The following KCTD13 variants were observed in gnomAD, a reference collection of about 807,000 sequenced individuals.
KCTD13 encodes BTB/POZ domain-containing adapter for CUL3-mediated RhoA degradation protein 1.
In KCTD13, 15 loss-of-function variants were observed where a neutral mutation model predicts 32.3. That is an observed-to-expected ratio of 0.46 (90% CI 0.31 to 0.71). The LOEUF is 0.71. KCTD13 is among the 30% of genes least tolerant of loss of function. KCTD13 has a pLI of 0.05. For synonymous variants in KCTD13, 189 were observed against 200.1 expected (o/e 0.94, Z 0.47); for missense variants, 337 against 452.6 (o/e 0.74, Z 2.32).
In KCTD13 at chr16:29,912,023, C is replaced by T. The variant is rs1216506240; in HGVS notation, c.441G>A (p.Leu147=). ...GAGATGTCACCATGGGGATGAGGCA[C>T]AGCGGGGACAGCGTCTCCCTTTTTT... is the stretch of plus-strand genomic sequence containing the variant. ...LQQKRETLSP[L]CLIPMVTSPR... is the part of the protein sequence containing the mutation. The change falls in exon 3 of 6, where the codon CTG becomes CTA. Residue 147 remains leucine, a synonymous_variant. Transcript: ENST00000568000. 6.2e-7 allele frequency: 1 copy of T among 1,609,606 alleles called. No homozygotes were observed. The highest frequency in any genetic ancestry group is 8.5e-7 in the Non-Finnish European group (1 of 1,178,046).
At chr16:29,914,975 C>CAA (rs538063744) in intron 2 of KCTD13, 7 of 128,840 alleles carry the variant, frequency 5.4e-5, no homozygotes, top group African/African-American at 8.7e-5. Context: ...GACTCTGTCT[C>CAA]AAAAAAAAAA....
chr16:29,919,031 T>C (rs894511814), intron 2 of KCTD13, among the ~76,000 whole-genome samples: 4 of 152,308 alleles, frequency 2.6e-5, no homozygotes, highest in African/African-American at 9.6e-5. Context: ...TGACCTCAAG[T>C]GATCCACCTG....
intron 2 of KCTD13, 72 bp downstream of exon 2, chr16:29,923,117 CT>C (rs2068939966): frequency 6.5e-7 from 1 of 1,538,870 alleles, no homozygotes; most frequent in Non-Finnish European, 8.8e-7. Flanking sequence ...CCCATATCTC[CT>C]TTTTTCTGCT....
intron 2 of KCTD13, chr16:29,921,506 C>G (rs1408327278): frequency 6.6e-6 from 1 of 152,072 alleles, no homozygotes. Context: ...CCAGCTCTTT[C>G]ACCTTGGACA....
intron 1 of KCTD13, chr16:29,925,440 A>C: frequency 2.9e-6 from 1 of 347,440 alleles, no homozygotes; most frequent in Non-Finnish European, 5.5e-6. Context: ...CAGGAGTAGT[A>C]CTGCAGGCAG....
chr16:29,919,526 T>C (rs1267644083), intron 2 of KCTD13: 1 of 152,166 alleles, frequency 6.6e-6, no homozygotes, highest in Non-Finnish European at 1.5e-5. Flanking sequence ...ATTGTTAACT[T>C]GCAGATAACC....
chr16:29,916,621 T>G (rs972179367), intron 2 of KCTD13, among the ~76,000 whole-genome samples: 5 of 151,850 alleles, frequency 3.3e-5, no homozygotes, highest in African/African-American at 1.2e-4. Context: ...CTCAGCATTT[T>G]GGGAGGCCAA....
In KCTD13 at chr16:29,923,367, G is replaced by C. The variant is rs765344507; in HGVS notation, c.245-8C>G. On this transcript the variant is annotated splice_polypyrimidine_tract_variant and splice_region_variant and intron_variant, in intron 1 of 5. Coordinates refer to ENST00000568000, the MANE Select transcript of KCTD13 (RefSeq NM_178863.5). Reference sequence around the variant, plus strand: ...GGTCAATCAGCACCCAACCTAGTGGGGTGGGGAGAGGCAGGGGGAAAGATG... The same window carrying C: ...GGTCAATCAGCACCCAACCTAGTGGCGTGGGGAGAGGCAGGGGGAAAGATG... 6.2e-7 allele frequency: 1 copy of C among 1,611,364 alleles called. No homozygotes were observed. The highest frequency in any genetic ancestry group is 1.7e-4 in the Middle Eastern group (1 of 6,050).
At chr16:29,910,412 T>C (rs144109795) in intron 5 of KCTD13, among the ~76,000 whole-genome samples, 1 of 151,510 alleles carries the variant, frequency 6.6e-6, no homozygotes, top group East Asian at 1.9e-4. Flanking sequence ...ATAATAATAA[T>C]AATAATAAAT....
At position 29,911,171 on chromosome 16, in the gene KCTD13, G is replaced by A; in HGVS notation, c.560C>T (p.Thr187Ile). The A allele has an allele frequency of 1.9e-6, 3 of 1,613,822 alleles. No individual in the cohort carries two copies. The highest frequency in any genetic ancestry group is 1.7e-4 in the Middle Eastern group (1 of 6,060). ...RSNNKYSYTS[T>I]SDDNLLKNIE... ...GTTCTTAAGTAGGTTGTCATCTGAA[G>A]TGCTGGGGACCAGGGGACCAGGAGG... The change falls in exon 5 of 6, where the codon ACT becomes ATT. Residue 187 changes from threonine (T) to isoleucine (I), a missense_variant and splice_region_variant. Transcript: ENST00000568000.
Position 29,913,986 on chromosome 16 carries a change from C to G in KCTD13, c.415-1937G>C, listed in dbSNP as rs149273699. The G allele has an allele frequency of 1.4e-3, 211 of 152,292 alleles. 1 individual carries two copies. The highest frequency in any genetic ancestry group is 2.5e-3 in the Non-Finnish European group (173 of 68,078). The allele number at this position is 152,292 out of a possible 1,614,324, so 9.4% of individuals were successfully genotyped here. On this transcript the variant is annotated intron_variant, in intron 2 of 5. Coordinates refer to ENST00000568000, the MANE Select transcript of KCTD13 (RefSeq NM_178863.5). ...CTGGGATTACCGAGGTGTGCCATCA[C>G]GCCCAGCTAATTTTTGTATTTTTAG... is the stretch of plus-strand genomic sequence containing the variant.
At chr16:29,918,084 G>A (rs1055895363) in intron 2 of KCTD13, among the ~76,000 whole-genome samples, 1 of 152,200 alleles carries the variant, frequency 6.6e-6, no homozygotes, top group Admixed American at 6.5e-5. Flanking sequence ...AATTTTTCAA[G>A]TTGACAATGG....
At position 29,911,795 on chromosome 16, in the gene KCTD13, C is replaced by T. The variant is rs1399439560; in HGVS notation, c.557+20G>A. 3.1e-6 allele frequency: 5 copies of T among 1,611,670 alleles called. No individual in the cohort carries two copies. Among genetic ancestry groups the T allele is most frequent in the Admixed American group, 1.7e-5 (1 of 59,896 alleles). On this transcript the variant is annotated intron_variant, in intron 4 of 5. Coordinates refer to ENST00000568000, the MANE Select transcript of KCTD13 (RefSeq NM_178863.5). ...CTGCATCCCAGGGTCCCGCCCAGTG[C>T]CCCGCACCCCGGCGGTCACCTGGTG...
At chr16:29,923,081 C>A in intron 2 of KCTD13, 109 bp downstream of exon 2, 1 of 1,266,264 alleles carries the variant, frequency 7.9e-7, no homozygotes, top group South Asian at 1.5e-5. Context: ...TTATGGCCAG[C>A]CAAAGCCAGG....
intron 1 of KCTD13, among the ~76,000 whole-genome samples, chr16:29,923,591 G>A (rs904978420): frequency 6.6e-6 from 1 of 152,122 alleles, no homozygotes; most frequent in Non-Finnish European, 1.5e-5. Context: ...GCCAGGCGCG[G>A]TGGCTCATGC....
rs553690256 is a variant in KCTD13 at position 29,906,635 on chromosome 16, G to T, written c.*237C>A. ...GGAGAGGGAAGGACGCAGGGCCAGG[G>T]TGGGGACAAGTGTTGGCTTCGGAAG... On this transcript the variant is annotated 3_prime_UTR_variant, in exon 6 of 6. Transcript: ENST00000568000. 339 of 668,030 alleles carry T rather than the reference G, an allele frequency of 5.1e-4. 1 individual carries two copies. The African/African-American group carries it at 5.1e-3, about 10-fold the overall frequency. 41.4% of individuals were successfully genotyped at this position (668,030 alleles called of 1,614,324 possible).
chr16:29,912,784 A>T (rs929646758), intron 2 of KCTD13, among the ~76,000 whole-genome samples: 1 of 152,176 alleles, frequency 6.6e-6, no homozygotes, highest in African/African-American at 2.4e-5. Context: ...GACTTTTTCT[A>T]ACTTTTTGTA....
At chr16:29,919,517 T>C (rs1478064695) in intron 2 of KCTD13, 2 of 152,212 alleles carry the variant, frequency 1.3e-5, no homozygotes, top group Non-Finnish European at 2.9e-5. Context: ...ATGCTTTCCA[T>C]TGTTAACTTG....
Position 29,906,347 on chromosome 16 carries a change from CTTAACT to C in KCTD13, c.*519_*524del, listed in dbSNP as rs2068612001. On this transcript the variant is annotated 3_prime_UTR_variant, in exon 6 of 6. Transcript: ENST00000568000. ...CCAGGAGCCAGCACCAGTTTCTCAA[CTTAACT>C]TTATTTCAATAATTTAATAGAAAAT... 2 of 204,738 alleles carry C rather than the reference CTTAACT, an allele frequency of 9.8e-6. No homozygotes were observed. The highest frequency in any genetic ancestry group is 2.7e-4 in the East Asian group (2 of 7,512). 12.7% of individuals were successfully genotyped at this position (204,738 alleles called of 1,614,324 possible). A position where few individuals can be genotyped will look rare whatever the true frequency, so the allele number is the denominator to read the frequency against.
Sources: gnomAD v4.1 joint callset for allele counts (sites outside exome capture counted in the v4.1 genomes callset) on GRCh38, gnomAD v4.1.1 for gene constraint, MANE v1.5 for transcripts, NCBI Gene and HGNC (gene_info 2026-07-23, HGNC 2026-07-21) for gene names.